The following CACNA1D variants were observed in gnomAD, a reference collection of about 807,000 sequenced individuals.
CACNA1D encodes voltage-dependent L-type calcium channel subunit alpha-1D.
A neutral mutation model predicts 257.1 loss-of-function variants in CACNA1D; 55 were observed. That is an observed-to-expected ratio of 0.21 (90% CI 0.17 to 0.27). CACNA1D has a LOEUF of 0.27. Ranked by LOEUF, CACNA1D falls within the 10% of genes least tolerant of loss-of-function variation. The probability of loss-of-function intolerance (pLI) is 1.00; values close to 1 mark genes in which losing one functional copy is unlikely to be tolerated. For missense variants in CACNA1D, 1,876 were observed against 2,784.0 expected (o/e 0.67, Z 7.34); for synonymous variants, 980 against 1,014.9 (o/e 0.97, Z 0.65).
intron 22 of CACNA1D, among the ~76,000 whole-genome samples, chr3:53,744,258 C>T (rs984465251): frequency 1.3e-5 from 2 of 150,014 alleles, no homozygotes; most frequent in Admixed American, 6.6e-5. Context: ...AGGTTGTGCT[C>T]CCCTGGCTGA....
intron 10 of CACNA1D, chr3:53,718,600 C>CCCCCCCCCAGGA: frequency 9.1e-7 from 1 of 1,094,854 alleles, no homozygotes; most frequent in African/African-American, 1.6e-5. Flanking sequence ...GCCCCCCGGC[C>CCCCCCCCCAGGA]CAGCATTTCA....
chr3:53,786,735 C>A, intron 39 of CACNA1D, 87 bp from the exon 40 acceptor site: 4 of 983,492 alleles, frequency 4.1e-6, no homozygotes, highest in Non-Finnish European at 6.2e-6. Context: ...CACTCTGCCC[C>A]TGCCCCTGCC....
intron 3 of CACNA1D, among the ~76,000 whole-genome samples, chr3:53,599,370 A>G (rs2093412968): frequency 6.6e-6 from 1 of 152,050 alleles, no homozygotes; most frequent in African/African-American, 2.4e-5. Context: ...TTTAGAATAA[A>G]CTCTTAGCCT....
At chr3:53,622,440 C>T (rs2093707009) in intron 3 of CACNA1D, among the ~76,000 whole-genome samples, 1 of 152,146 alleles carries the variant, frequency 6.6e-6, no homozygotes, top group Non-Finnish European at 1.5e-5. Context: ...ATAATGCGGC[C>T]ATTAAAAAGA....
At chr3:53,637,955 T>C (rs2093904717) in intron 3 of CACNA1D, among the ~76,000 whole-genome samples, 1 of 152,228 alleles carries the variant, frequency 6.6e-6, no homozygotes, top group Non-Finnish European at 1.5e-5. Flanking sequence ...GTGTCTTAAT[T>C]ATAGACTCCA....
intron 3 of CACNA1D, among the ~76,000 whole-genome samples, chr3:53,526,361 G>A (rs572384655): frequency 6.6e-6 from 1 of 152,252 alleles, no homozygotes; most frequent in East Asian, 1.9e-4. Flanking sequence ...CTGAACTTGG[G>A]GCTGTATTCC....
At chr3:53,732,184 C>G (rs1429498443) in intron 18 of CACNA1D, 102 bp downstream of exon 18, 2 of 910,634 alleles carry the variant, frequency 2.2e-6, no homozygotes, top group African/African-American at 3.3e-5. Flanking sequence ...GCAGCGTGCA[C>G]ATGAGCTGCT....
chr3:53,606,423 A>T (rs918706728), intron 3 of CACNA1D, among the ~76,000 whole-genome samples: 1 of 152,256 alleles, frequency 6.6e-6, no homozygotes, highest in Non-Finnish European at 1.5e-5. Context: ...ACCTTCAATT[A>T]TGGTGAACTA....
intron 3 of CACNA1D, among the ~76,000 whole-genome samples, chr3:53,591,513 C>T (rs943731362): frequency 6.0e-4 from 92 of 152,308 alleles, no homozygotes; most frequent in African/African-American, 2.0e-3. Flanking sequence ...CTTGGTGTCC[C>T]AAAGTGCTGG....
At chr3:53,781,711 G>A in intron 39 of CACNA1D, 44 bp downstream of exon 39, 4 of 1,288,760 alleles carry the variant, frequency 3.1e-6, no homozygotes, top group Non-Finnish European at 4.5e-6. Flanking sequence ...CCAGTGCTTT[G>A]GTTTTAATGC....
intron 7 of CACNA1D, among the ~76,000 whole-genome samples, chr3:53,672,758 CTG>C (rs57956658): frequency 0.078 from 7,388 of 94,710 alleles, 323 homozygotes; most frequent in Non-Finnish European, 0.1. Flanking sequence ...CTTGATGACT[CTG>C]TGTGTGTGTG....
intron 3 of CACNA1D, among the ~76,000 whole-genome samples, chr3:53,559,787 A>T (rs1156281195): frequency 6.6e-6 from 1 of 152,142 alleles, no homozygotes; most frequent in Non-Finnish European, 1.5e-5. Context: ...CTAGAAAGCG[A>T]GGAATTTAGT....
chr3:53,590,409 T>C (rs1051155408), intron 3 of CACNA1D, among the ~76,000 whole-genome samples: 9 of 152,228 alleles, frequency 5.9e-5, no homozygotes, highest in South Asian at 2.1e-4. Context: ...TGTGTGCTTA[T>C]CTGTTCAACA....
chr3:53,804,853 G>T, intron 44 of CACNA1D, 130 bp from the exon 45 acceptor site: 1 of 890,502 alleles, frequency 1.1e-6, no homozygotes, highest in Non-Finnish European at 1.9e-6. Flanking sequence ...ACTGAGGCCA[G>T]CCTTGTTCTC....
At chr3:53,587,015 C>T (rs1287875111) in intron 3 of CACNA1D, among the ~76,000 whole-genome samples, 1 of 151,970 alleles carries the variant, frequency 6.6e-6, no homozygotes, top group East Asian at 1.9e-4. Context: ...TTGTCCAGGG[C>T]GTGATGTGTT....
At chr3:53,616,904 T>G (rs1440979064) in intron 3 of CACNA1D, among the ~76,000 whole-genome samples, 1 of 152,112 alleles carries the variant, frequency 6.6e-6, no homozygotes, top group African/African-American at 2.4e-5. Context: ...ATGGTATGTC[T>G]CCCTGGTGGG....
intron 14 of CACNA1D, among the ~76,000 whole-genome samples, chr3:53,724,985 C>A (rs1009729565): frequency 2.6e-4 from 36 of 137,206 alleles, no homozygotes; most frequent in Non-Finnish European, 4.4e-4. Context: ...AAAAAAATTT[C>A]TTTCAGAGAA....
intron 15 of CACNA1D, 78 bp downstream of exon 15, chr3:53,727,077 G>A: frequency 1.3e-6 from 2 of 1,529,548 alleles, no homozygotes; most frequent in Non-Finnish European, 1.8e-6. Context: ...TTTCTCTGTG[G>A]TGATGGTGGT....
At chr3:53,588,387 G>C (rs2093252755) in intron 3 of CACNA1D, among the ~76,000 whole-genome samples, 1 of 152,206 alleles carries the variant, frequency 6.6e-6, no homozygotes, top group Admixed American at 6.5e-5. Context: ...TGTGGCCTGG[G>C]GCTGGTAGAT....
Sources: gnomAD v4.1 joint callset for allele counts (sites outside exome capture counted in the v4.1 genomes callset) on GRCh38, gnomAD v4.1.1 for gene constraint, MANE v1.5 for transcripts, NCBI Gene and HGNC (gene_info 2026-07-23, HGNC 2026-07-21) for gene names.